The following RBP3 variants were observed in gnomAD, a reference collection of about 807,000 sequenced individuals.
RBP3 encodes retinol binding protein 3.
RBP3 carries 50 observed loss-of-function variants against 64.8 expected under a neutral mutation model. That is an observed-to-expected ratio of 0.77 (90% confidence interval 0.61 to 0.98). The LOEUF (loss-of-function observed/expected upper bound fraction) is 0.98. Among genes scored for constraint, RBP3 ranks in the 50% least tolerant of loss-of-function variants. The pLI is 0.00. For synonymous variants in RBP3, 828 were observed against 730.2 expected, an observed-to-expected ratio of 1.13 and a Z score of -2.16; for missense variants, 1,712 against 1,660.5, an observed-to-expected ratio of 1.03 and a Z score of -0.54.
intron 1 of RBP3, 48 bp downstream of exon 1, chr10:47,351,586 G>T: frequency 1.2e-6 from 2 of 1,607,700 alleles, no homozygotes; most frequent in South Asian, 2.2e-5. Context: ...GGAGTGAGTT[G>T]ACCCATTGTC....
In RBP3 at chr10:47,348,820, A is replaced by C. The variant is rs782635160; in HGVS notation, c.336A>C (p.Glu112Asp). ...VPALTSLSEEELLAWLQRGLR... is the reference protein window; with the variant it reads ...VPALTSLSEEDLLAWLQRGLR... ...CACTCACCAGCCTCTCAGAAGAGGAACTGCTTGCCTGGCTGCAAAGGGGCC... is the reference window on the plus strand; with the variant it reads ...CACTCACCAGCCTCTCAGAAGAGGACCTGCTTGCCTGGCTGCAAAGGGGCC... The change falls in exon 1 of 4, where the codon GAA (glutamate) becomes GAC (aspartate). Residue 112 changes from glutamate to aspartate, a missense_variant. Transcript: ENST00000584701. 71 of 1,613,696 alleles carry C rather than the reference A, an allele frequency of 4.4e-5. No individual in the cohort carries two copies. Among genetic ancestry groups the C allele is most frequent in the Non-Finnish European group, 5.8e-5 (69 of 1,180,028 alleles).
Position 47,357,473 on chromosome 10 carries a change from G to A in RBP3, c.*16G>A, listed in dbSNP as rs369183966. 2.4e-5 allele frequency: 39 copies of A among 1,593,656 alleles called. No individual in the cohort carries two copies. The African/African-American group carries it at 4.6e-4, about 19-fold the overall frequency. On this transcript the variant is annotated 3_prime_UTR_variant, in exon 4 of 4. Coordinates refer to ENST00000584701, the MANE Select transcript of RBP3 (RefSeq NM_002900.3). ...CCACCTGTAGGGAAGGGCCCCATAG[G>A]CAGAGCCCCAGGGCAGACAGAACCT...
At chr10:47,356,593 A>G (rs782672666) in intron 3 of RBP3, among the ~76,000 whole-genome samples, 3 of 152,234 alleles carry the variant, frequency 2.0e-5, no homozygotes, top group African/African-American at 4.8e-5. Flanking sequence ...ACAAAACATG[A>G]TTAAAATTAA....
In RBP3 at chr10:47,349,575, C is replaced by T; in HGVS notation, c.1091C>T (p.Ser364Phe). 6.2e-7 allele frequency: 1 copy of T among 1,612,966 alleles called. No homozygotes were observed. Among genetic ancestry groups the T allele is most frequent in the Non-Finnish European group, 8.5e-7 (1 of 1,180,004 alleles). Reference protein sequence around the residue: ...LASMDFSTVVSEEDLVTKLNA... With the variant: ...LASMDFSTVVFEEDLVTKLNA... ...AGCATGGACTTCTCCACGGTGGTCT[C>T]CGAGGAAGATCTGGTCACCAAGCTC... is the stretch of plus-strand genomic sequence containing the variant. The change falls in exon 1 of 4, where the codon TCC becomes TTC. Residue 364 changes from serine to phenylalanine, a missense_variant. By Grantham distance (155) the Ser-to-Phe change is radical (BLOSUM62 -2). Transcript: ENST00000584701.
rs1555210927 is a variant in RBP3, at chr10:47,348,937, G to T, written c.453G>T (p.Leu151=). ...QEVLSMMGEF[L]VAHVWGNLMG... ...TGCTGAGCATGATGGGGGAGTTCCT[G>T]GTGGCCCACGTGTGGGGGAATCTCA... Residue 151 remains leucine, a synonymous_variant, in exon 1 of 4, where the codon CTG becomes CTT. Coordinates refer to ENST00000584701, the MANE Select transcript of RBP3 (RefSeq NM_002900.3). 1 of 1,613,884 alleles carries T rather than the reference G, an allele frequency of 6.2e-7. No individual in the cohort carries two copies. Among genetic ancestry groups the T allele is most frequent in the Admixed American group, 1.7e-5 (1 of 60,026 alleles).
At chr10:47,353,256 C>T (rs781842721) in intron 1 of RBP3, 69 bp from the exon 2 acceptor site, 10 of 1,428,272 alleles carry the variant, frequency 7.0e-6, no homozygotes, top group South Asian at 2.3e-5. Flanking sequence ...TTTCCCATGG[C>T]GCCTGCTTTC....
intron 2 of RBP3, among the ~76,000 whole-genome samples, chr10:47,355,043 C>T (rs1837026722): frequency 6.6e-6 from 1 of 152,206 alleles, no homozygotes; most frequent in Non-Finnish European, 1.5e-5. Flanking sequence ...TGCAGGGGAG[C>T]AGTCCATGGT....
At chr10:47,354,709 T>G in intron 2 of RBP3, among the ~76,000 whole-genome samples, 1 of 152,150 alleles carries the variant, frequency 6.6e-6, no homozygotes, top group East Asian at 1.9e-4. Context: ...TGTTTGGAGG[T>G]TCAGACACTG....
chr10:47,357,610 A>G lies in RBP3; in HGVS notation c.*153A>G, dbSNP rs1159550385. On this transcript the variant is annotated 3_prime_UTR_variant, in exon 4 of 4. Transcript: ENST00000584701. Reference sequence around the variant, plus strand: ...GTTACAGCTGGAGGTGTGTATATATACACACACACACATGTATATACACAT... The same window carrying G: ...GTTACAGCTGGAGGTGTGTATATATGCACACACACACATGTATATACACAT... 2 of 595,534 alleles carry G rather than the reference A, an allele frequency of 3.4e-6. No homozygotes were observed. The highest frequency in any genetic ancestry group is 3.7e-5 in the African/African-American group (2 of 53,506). The allele number at this position is 595,534 out of a possible 1,614,324, so 36.9% of individuals were successfully genotyped here.
chr10:47,350,758 G>T lies in RBP3; in HGVS notation c.2274G>T (p.Lys758Asn). Reference protein sequence around the residue: ...FDAMAELETVKAVGPQLVRLV... With the variant: ...FDAMAELETVNAVGPQLVRLV... ...CCATGGCTGAACTGGAGACAGTGAA[G>T]GCCGTGGGGCCACAGCTGGTGCGGC... The change falls in exon 1 of 4, where the codon AAG becomes AAT. Residue 758 changes from lysine to asparagine, a missense_variant. Lys to Asn is a moderately conservative substitution (Grantham distance 94, BLOSUM62 0). Transcript: ENST00000584701. The T allele has an allele frequency of 6.2e-7, 1 of 1,613,200 alleles. No individual in the cohort carries two copies. The highest frequency in any genetic ancestry group is 1.3e-5 in the African/African-American group (1 of 75,056).
intron 3 of RBP3, 80 bp downstream of exon 3, chr10:47,355,598 T>A: frequency 1.3e-6 from 2 of 1,582,608 alleles, no homozygotes; most frequent in South Asian, 1.1e-5. Flanking sequence ...TGGGTGTAGG[T>A]AAAAGTCATA....
intron 3 of RBP3, among the ~76,000 whole-genome samples, chr10:47,356,899 G>A (rs747024748): frequency 1.1e-4 from 17 of 152,160 alleles, no homozygotes; most frequent in East Asian, 5.8e-4. Flanking sequence ...TGAAATCCTC[G>A]TGATTGGGCA....
At position 47,349,213 on chromosome 10, in the gene RBP3, G is replaced by T. The variant is rs201362886; in HGVS notation, c.729G>T (p.Ala243=). The T allele has an allele frequency of 1.9e-6, 3 of 1,613,402 alleles. No homozygotes were observed. The highest frequency in any genetic ancestry group is 1.6e-4 in the Middle Eastern group (1 of 6,084). ...SQTRGVAEDI[A]HILKQMRRAI... ...CCAGGGGCGTGGCCGAGGACATCGC[G>T]CACATCCTTAAGCAGATGCGCAGGG... Residue 243 remains alanine (A), a synonymous_variant, in exon 1 of 4, where the codon GCG becomes GCT. Transcript: ENST00000584701.
rs781985513 is a variant in RBP3 at position 47,349,474 on chromosome 10, C to T, written c.990C>T (p.Val330=). The T allele has an allele frequency of 4.4e-5, 71 of 1,612,692 alleles. No individual in the cohort carries two copies. Among genetic ancestry groups the T allele is most frequent in the Non-Finnish European group, 5.4e-5 (64 of 1,180,016 alleles). The change falls in exon 1 of 4, where the codon GTC becomes GTT. Residue 330 remains valine (V), a synonymous_variant. Transcript: ENST00000584701. ...LTLRSALPGV[V]HCLQEVLKDY... is the part of the protein sequence containing the mutation. ...TGCGCAGCGCCCTTCCAGGGGTAGT[C>T]CACTGCCTCCAGGAGGTCCTGAAGG... is the stretch of plus-strand genomic sequence containing the variant.
At chr10:47,355,650 T>C in intron 3 of RBP3, 132 bp downstream of exon 3, 2 of 1,145,046 alleles carry the variant, frequency 1.7e-6, no homozygotes, top group Non-Finnish European at 2.6e-6. Flanking sequence ...AGGCACTAGA[T>C]GTGCATGATC....
chr10:47,357,286 T>C lies in RBP3; in HGVS notation c.3573T>C (p.Thr1191=), dbSNP rs570057940. 7.4e-6 allele frequency: 12 copies of C among 1,614,134 alleles called. No homozygotes were observed. Among genetic ancestry groups the C allele is most frequent in the African/African-American group, 1.3e-5 (1 of 75,048 alleles). The change falls in exon 4 of 4, where the codon ACT becomes ACC. Residue 1191 remains threonine, a synonymous_variant. Coordinates refer to ENST00000584701, the MANE Select transcript of RBP3 (RefSeq NM_002900.3). ...YHVDDTNLYL[T]IPTARSVGAS... is the part of the protein sequence containing the mutation. ...TGGATGACACCAACCTCTACCTCAC[T>C]ATCCCCACGGCCCGTTCTGTGGGGG...
At position 47,349,748 on chromosome 10, in the gene RBP3, CG is replaced by C; in HGVS notation, c.1266del (p.Gln423LysfsTer143). 1 of 1,612,832 alleles carries C rather than the reference CG, an allele frequency of 6.2e-7. No individual in the cohort carries two copies. Among genetic ancestry groups the C allele is most frequent in the Non-Finnish European group, 8.5e-7 (1 of 1,180,028 alleles). On this transcript the variant is annotated frameshift_variant, in exon 1 of 4. Coordinates refer to ENST00000584701, the MANE Select transcript of RBP3 (RefSeq NM_002900.3). LOFTEE classifies it high-confidence loss of function. ...APELPEDEAI[R>X]QALVDSVFQV... ...AGAGTTGCCTGAGGACGAGGCTATC[CG>C]GCAAGCACTGGTGGACTCTGTGTTC...
At position 47,349,160 on chromosome 10, in the gene RBP3, G is replaced by A; in HGVS notation, c.676G>A (p.Asp226Asn). Reference protein sequence around the residue: ...VLGERYGADKDVVVLTSSQTR... With the variant: ...VLGERYGADKNVVVLTSSQTR... ...GGGAGAAAGGTACGGTGCCGACAAG[G>A]ATGTGGTGGTCCTCACCAGCAGCCA... The change falls in exon 1 of 4, where the codon GAT becomes AAT. Residue 226 changes from aspartate (D) to asparagine (N), a missense_variant. Transcript: ENST00000584701. 2 of 1,613,894 alleles carry A rather than the reference G, an allele frequency of 1.2e-6. No individual in the cohort carries two copies. The highest frequency in any genetic ancestry group is 1.7e-6 in the Non-Finnish European group (2 of 1,180,044).
At chr10:47,352,299 C>A (rs938402762) in intron 1 of RBP3, among the ~76,000 whole-genome samples, 3 of 152,172 alleles carry the variant, frequency 2.0e-5, no homozygotes, top group African/African-American at 7.2e-5. Context: ...GCAGGCAGGG[C>A]CCAGTGGTTC....
Sources: gnomAD v4.1 joint callset for allele counts (sites outside exome capture counted in the v4.1 genomes callset) on GRCh38, gnomAD v4.1.1 for gene constraint, MANE v1.5 for transcripts, NCBI Gene and HGNC (gene_info 2026-07-23, HGNC 2026-07-21) for gene names.